Variants in DHX37 observed in about 807,000 individuals in gnomAD.
DHX37 encodes probable ATP-dependent RNA helicase DHX37.
Under a neutral mutation model 134.3 loss-of-function variants are expected in DHX37, and 52 were observed. The observed-to-expected ratio is 0.39, with a 90% confidence interval of 0.31 to 0.49. The LOEUF (loss-of-function observed/expected upper bound fraction) is 0.49, where lower values mean the gene tolerates loss of function less well. DHX37 is among the 20% of genes least tolerant of loss of function. The pLI, the probability that DHX37 is intolerant of heterozygous loss-of-function variation, is 0.93. For synonymous variants in DHX37, 634 were observed against 670.7 expected (o/e 0.95, Z 0.85); for missense variants, 1,344 against 1,580.8 (o/e 0.85, Z 2.54).
chr12:124,978,700 G>A (rs1354674156), intron 4 of DHX37, among the ~76,000 whole-genome samples: 1 of 151,164 alleles, frequency 6.6e-6, no homozygotes, highest in Non-Finnish European at 1.5e-5. Flanking sequence ...CCAAGGCAGA[G>A]GACTGCTTGA....
chr12:124,986,858 G>A (rs1323183305), intron 1 of DHX37, among the ~76,000 whole-genome samples: 2 of 151,808 alleles, frequency 1.3e-5, no homozygotes, highest in African/African-American at 4.8e-5. Flanking sequence ...CAATTCTCCC[G>A]CCTCAGCCTC....
chr12:124,953,830 C>G (rs1229664402), intron 20 of DHX37, 50 bp downstream of exon 20: 2 of 1,596,186 alleles, frequency 1.3e-6, no homozygotes, highest in Non-Finnish European at 1.7e-6. Context: ...TTCAAGTGCC[C>G]AGGTCAGGTT....
Position 124,960,356 on chromosome 12 carries a change from C to G in DHX37, c.2113G>C (p.Val705Leu), listed in dbSNP as rs779649240. ...TTCATTTGAAGGATTAAGTCTTCAA[C>G]AGGCCTCCGGGTGATTTCTGGAGGA... ...FPPPEITRRP[V>L]EDLILQMKAL... is the part of the protein sequence containing the mutation. The change falls in exon 16 of 27, where the codon GTT (valine) becomes CTT (leucine). Residue 705 changes from valine to leucine, a missense_variant. This residue lies in a region of DHX37 where 558 missense variants were observed against 650.0 expected (regional missense o/e 0.86). Transcript: ENST00000308736. 6.2e-7 allele frequency: 1 copy of G among 1,614,156 alleles called. No homozygotes were observed. Among genetic ancestry groups the G allele is most frequent in the Non-Finnish European group, 8.5e-7 (1 of 1,179,984 alleles).
intron 10 of DHX37, among the ~76,000 whole-genome samples, chr12:124,967,912 A>G (rs1490417887): frequency 6.6e-6 from 1 of 152,004 alleles, no homozygotes; most frequent in Non-Finnish European, 1.5e-5. Flanking sequence ...CTACTAAAAT[A>G]CAAAAAATTA....
In DHX37 at chr12:124,949,290, C is replaced by T. The variant is rs1474943079; in HGVS notation, c.3290+696G>A. 6.6e-6 allele frequency among the ~76,000 whole-genome samples: 1 copy of T among 152,200 alleles called. No homozygotes were observed. Among genetic ancestry groups the T allele is most frequent in the Non-Finnish European group, 1.5e-5 (1 of 68,030 alleles). The stretch of plus-strand genomic sequence containing the variant: ...CCCCATCTCGAGTCCCTGGCACCTG[C>T]CTGCACCTTCAGGCCTGCCTCCAGT... On this transcript the variant is annotated intron_variant, in intron 25 of 26. Transcript: ENST00000308736. The surrounding 1 kb of genome is among the most constrained non-coding windows in gnomAD (Gnocchi z 4.0).
chr12:124,966,971 G>A (rs530835347), intron 11 of DHX37, 93 bp from the exon 12 acceptor site: 2 of 1,549,224 alleles, frequency 1.3e-6, no homozygotes, highest in Non-Finnish European at 1.8e-6. Flanking sequence ...GCCACTCAGT[G>A]GTGGCCATTT....
chr12:124,965,389 G>A (rs1954360935), intron 13 of DHX37, among the ~76,000 whole-genome samples: 3 of 152,224 alleles, frequency 2.0e-5, no homozygotes, highest in Admixed American at 2.0e-4. Context: ...GCAGGGCACT[G>A]GGTCTGCCTG....
At chr12:124,988,850 C>G in intron 1 of DHX37, 67 bp downstream of exon 1, 1 of 1,081,968 alleles carries the variant, frequency 9.2e-7, no homozygotes, top group Non-Finnish European at 1.2e-6. Context: ...CCCGAGAGTC[C>G]TGAAGGCAGG....
Position 124,957,103 on chromosome 12 carries a change from G to A in DHX37, c.2190C>T (p.Ser730=), listed in dbSNP as rs145457324. Residue 730 remains serine (S), a synonymous_variant, in exon 17 of 27, where the codon TCC becomes TCT. Coordinates refer to ENST00000308736, the MANE Select transcript of DHX37 (RefSeq NM_032656.4). ...CCTCGGCGGCAAGAAGGGCTTCCAC[G>A]GAGGGGGGCGTCGGGAAGGGGAAGT... ...VINFPFPTPP[S]VEALLAAEEL... 7.5e-5 allele frequency: 113 copies of A among 1,497,288 alleles called. 1 individual carries two copies. The South Asian group carries it at 7.8e-4, about 10-fold the overall frequency. 92.8% of individuals were successfully genotyped at this position (1,497,288 alleles called of 1,614,324 possible). A position where few individuals can be genotyped will look rare whatever the true frequency, so the allele number is the denominator to read the frequency against.
intron 2 of DHX37, among the ~76,000 whole-genome samples, chr12:124,984,666 T>A (rs1230085264): frequency 6.6e-6 from 1 of 152,162 alleles, no homozygotes; most frequent in African/African-American, 2.4e-5. Flanking sequence ...ACAGGAAATT[T>A]AACCACTTGC....
At chr12:124,970,346 C>A (rs898105397) in intron 8 of DHX37, among the ~76,000 whole-genome samples, 3 of 152,174 alleles carry the variant, frequency 2.0e-5, no homozygotes, top group Non-Finnish European at 4.4e-5. Context: ...TGTGAACGGA[C>A]TAAAAACCAC....
At chr12:124,975,172 C>T (rs996421019) in intron 6 of DHX37, among the ~76,000 whole-genome samples, 7 of 152,168 alleles carry the variant, frequency 4.6e-5, no homozygotes, top group Admixed American at 1.3e-4. Flanking sequence ...GCTCTGTTCT[C>T]GAGCCCCTGG....
chr12:124,982,720 T>C, intron 2 of DHX37, 97 bp from the exon 3 acceptor site: 1 of 1,503,226 alleles, frequency 6.7e-7, no homozygotes, highest in Admixed American at 2.0e-5. Flanking sequence ...CATTAACACC[T>C]GGAGTCTTTA....
intron 4 of DHX37, among the ~76,000 whole-genome samples, chr12:124,978,972 C>T (rs1435972399): frequency 2.0e-5 from 3 of 151,774 alleles, no homozygotes; most frequent in Non-Finnish European, 4.4e-5. Context: ...ATTCATGACC[C>T]AAAGATGGCT....
intron 16 of DHX37, among the ~76,000 whole-genome samples, chr12:124,957,352 C>T (rs749330956): frequency 3.1e-4 from 47 of 152,200 alleles, no homozygotes; most frequent in Non-Finnish European, 5.0e-4. Flanking sequence ...CTCAAAAACA[C>T]GTCCCAAGCA....
At position 124,980,573 on chromosome 12, in the gene DHX37, G is replaced by A. The variant is rs1954737118; in HGVS notation, c.655C>T (p.Pro219Ser). ...PVPAGMTVPP[P>S]PAAAPPLPRA... is the part of the protein sequence containing the mutation. ...GGCAGTGGTGGGGCTGCAGCTGGAG[G>A]AGGAGGAACAGTCATCCCAGCCGGC... Residue 219 changes from proline (P) to serine (S), a missense_variant, in exon 4 of 27, where the codon CCT becomes TCT. Transcript: ENST00000308736. The surrounding 1 kb of genome is among the most constrained non-coding windows in gnomAD (Gnocchi z 5.3). 6 of 1,611,680 alleles carry A rather than the reference G, an allele frequency of 3.7e-6. No individual in the cohort carries two copies. The Admixed American group carries it at 6.7e-5, about 18-fold the overall frequency.
rs1219786648 is a variant in DHX37, at chr12:124,980,506, C to A, written c.722G>T (p.Arg241Leu). 1 of 1,607,246 alleles carries A rather than the reference C, an allele frequency of 6.2e-7. No individual in the cohort carries two copies. The highest frequency in any genetic ancestry group is 1.1e-5 in the South Asian group (1 of 90,276). Residue 241 changes from arginine (R) to leucine (L), a missense_variant, in exon 4 of 27, where the codon CGC becomes CTC. Physicochemically the swap from Arg to Leu is moderately radical, Grantham distance 102 (BLOSUM62 -2). Coordinates refer to ENST00000308736, the MANE Select transcript of DHX37 (RefSeq NM_032656.4). The surrounding 1 kb of genome is among the most constrained non-coding windows in gnomAD (Gnocchi z 5.3). ...AKPAVFIPVNRSPEMQEERLK... is the reference protein window; with the variant it reads ...AKPAVFIPVNLSPEMQEERLK... ...GTGGCGAACCTGCATTTCCGGGGAG[C>A]GGTTCACGGGGATGAAGACGGCGGG...
intron 6 of DHX37, among the ~76,000 whole-genome samples, chr12:124,974,223 G>C (rs1406710236): frequency 1.3e-5 from 2 of 151,922 alleles, no homozygotes; most frequent in African/African-American, 4.8e-5. Context: ...CAAAGTGCTG[G>C]GATTACAGGC....
intron 8 of DHX37, among the ~76,000 whole-genome samples, chr12:124,969,691 G>A (rs1379117917): frequency 1.3e-5 from 2 of 152,112 alleles, no homozygotes; most frequent in African/African-American, 2.4e-5. Flanking sequence ...ACAAGTGCTG[G>A]CAGGATGTGG....
Sources: allele counts gnomAD v4.1 joint callset (sites outside exome capture counted in the v4.1 genomes callset), GRCh38; gene constraint gnomAD v4.1.1; regional missense constraint gnomAD v4.1.1; non-coding constraint Gnocchi (gnomAD v3.1); transcripts MANE v1.5; gene names NCBI Gene and HGNC (gene_info 2026-07-23, HGNC 2026-07-21).